FSTL5: variants seen among roughly 807,000 people sequenced by gnomAD.
FSTL5 encodes the protein follistatin like 5, also known as follistatin-related protein 5.
In FSTL5, 62 loss-of-function variants were observed where a neutral mutation model predicts 89.1. The observed-to-expected ratio is 0.70, with a 90% CI of 0.57 to 0.86. FSTL5 has a LOEUF of 0.86. Among genes scored for constraint, FSTL5 ranks in the 40% least tolerant of loss-of-function variants. The pLI, the probability that FSTL5 is intolerant of heterozygous loss-of-function variation, is 0.00. For missense variants in FSTL5, 1,057 were observed against 1,001.6 expected (o/e 1.06, Z -0.75); for synonymous variants, 383 against 346.2 (o/e 1.11, Z -1.18).
chr4:161,594,369 T>C (rs1361915574), intron 7 of FSTL5, among the ~76,000 whole-genome samples: 2 of 152,164 alleles, frequency 1.3e-5, no homozygotes, highest in Non-Finnish European at 2.9e-5. Context: ...TTAAAATTTC[T>C]TTAAAACCTG....
chr4:161,759,232 A>T (rs1740693142), intron 6 of FSTL5, among the ~76,000 whole-genome samples, 179 bp downstream of exon 6: 1 of 152,220 alleles, frequency 6.6e-6, no homozygotes, highest in Admixed American at 6.5e-5. Flanking sequence ...TTCATTTCAG[A>T]ACTACTGAAT....
chr4:161,906,864 G>C (rs1733543831), intron 4 of FSTL5, among the ~76,000 whole-genome samples: 1 of 152,040 alleles, frequency 6.6e-6, no homozygotes, highest in Admixed American at 6.6e-5. Flanking sequence ...TAAATTTATA[G>C]ATATATTTAA....
At chr4:162,067,225 T>G (rs980054181) in intron 2 of FSTL5, among the ~76,000 whole-genome samples, 1 of 152,042 alleles carries the variant, frequency 6.6e-6, no homozygotes, top group African/African-American at 2.4e-5. Flanking sequence ...AACAAATTTT[T>G]GTATTCTTTT....
intron 8 of FSTL5, among the ~76,000 whole-genome samples, chr4:161,582,249 T>C (rs1733460842): frequency 6.6e-6 from 1 of 152,228 alleles, no homozygotes; most frequent in Non-Finnish European, 1.5e-5. Flanking sequence ...TGACAAATTG[T>C]TAAGATAAAT....
At chr4:161,472,288 C>A (rs576867706) in intron 13 of FSTL5, among the ~76,000 whole-genome samples, 10 of 152,210 alleles carry the variant, frequency 6.6e-5, no homozygotes, top group South Asian at 6.2e-4. Flanking sequence ...TTTTCTTGAT[C>A]TTTTTAAAGA....
Position 161,386,292 on chromosome 4 carries a change from G to A in FSTL5, c.1999C>T (p.Pro667Ser). ...GGGGAAACTGCTCCGGTGCTGTCAGGTTTGCAGCCAATGAAGTAGTAGCCT... is the reference window on the plus strand; with the variant it reads ...GGGGAAACTGCTCCGGTGCTGTCAGATTTGCAGCCAATGAAGTAGTAGCCT... ...LGGYYFIGCK[P>S]DSTGAVSPQV... The change falls in exon 16 of 16, where the codon CCT becomes TCT. Residue 667 changes from proline (P) to serine (S), a missense_variant. Around this residue, in one of 3 missense-constraint regions of FSTL5, gnomAD observed 980 missense variants for 903.2 expected, o/e 1.08. Transcript: ENST00000306100. The A allele has an allele frequency of 6.2e-7, 1 of 1,613,928 alleles. No homozygotes were observed. The highest frequency in any genetic ancestry group is 8.5e-7 in the Non-Finnish European group (1 of 1,179,946).
intron 6 of FSTL5, among the ~76,000 whole-genome samples, chr4:161,705,474 T>C (rs918200686): frequency 1.3e-5 from 2 of 152,114 alleles, no homozygotes; most frequent in African/African-American, 2.4e-5. Flanking sequence ...CTAAGAAATA[T>C]CTGTGTTTTA....
At chr4:161,550,689 C>T (rs34830372) in intron 8 of FSTL5, among the ~76,000 whole-genome samples, 7,096 of 151,850 alleles carry the variant, frequency 0.047, 236 homozygotes, top group Non-Finnish European at 0.071. Context: ...CCCACTAACT[C>T]GTCATCTAGC....
chr4:162,007,268 A>G (rs1465170804), intron 3 of FSTL5, among the ~76,000 whole-genome samples: 1 of 151,908 alleles, frequency 6.6e-6, no homozygotes, highest in East Asian at 1.9e-4. Context: ...AATGACCTAA[A>G]GTTATTTATG....
intron 12 of FSTL5, among the ~76,000 whole-genome samples, chr4:161,487,021 C>T (rs902153118): frequency 6.6e-6 from 1 of 152,096 alleles, no homozygotes; most frequent in African/African-American, 2.4e-5. Context: ...TTTCCAACAC[C>T]TACATAATTC....
chr4:161,810,861 C>T (rs1276678468), intron 4 of FSTL5, among the ~76,000 whole-genome samples: 1 of 152,128 alleles, frequency 6.6e-6, no homozygotes, highest in Non-Finnish European at 1.5e-5. Flanking sequence ...TACACCTAAT[C>T]ACCCAATAAT....
In FSTL5 at chr4:161,638,478, C is replaced by G. The variant is rs549852011; in HGVS notation, c.894+17850G>C. ...TATTTCCTTCTCCTGCCTAATTGCC[C>G]TGGCCAGAACTTCCAACACAACAAT... is the stretch of plus-strand genomic sequence containing the variant. On this transcript the variant is annotated intron_variant, in intron 7 of 15. Transcript: ENST00000306100. Among the ~76,000 whole-genome samples the G allele has an allele frequency of 1.4e-4, 21 of 152,204 alleles. No individual in the cohort carries two copies. The South Asian group carries it at 3.1e-3, about 23-fold the overall frequency.
intron 4 of FSTL5, among the ~76,000 whole-genome samples, chr4:161,789,904 T>A (rs1486210587): frequency 2.0e-5 from 3 of 152,172 alleles, no homozygotes; most frequent in South Asian, 4.1e-4. Flanking sequence ...AGAAAGCATA[T>A]AAAGCAAATT....
intron 3 of FSTL5, among the ~76,000 whole-genome samples, chr4:161,957,597 G>A (rs1260558367): frequency 6.6e-6 from 1 of 151,924 alleles, no homozygotes; most frequent in Non-Finnish European, 1.5e-5. Flanking sequence ...AAGGGGGGAG[G>A]CAGACATGCA....
chr4:161,614,709 CT>C (rs1408088620), intron 7 of FSTL5, among the ~76,000 whole-genome samples: 1 of 152,198 alleles, frequency 6.6e-6, no homozygotes, highest in Non-Finnish European at 1.5e-5. Flanking sequence ...TATATTCCAA[CT>C]ATCTATGCTG....
At chr4:161,552,244 A>G (rs1180079042) in intron 8 of FSTL5, among the ~76,000 whole-genome samples, 1 of 151,874 alleles carries the variant, frequency 6.6e-6, no homozygotes, top group African/African-American at 2.4e-5. Context: ...CTTTTTAAAA[A>G]AGACAGGGAA....
chr4:161,642,788 G>T (rs992682894), intron 7 of FSTL5, among the ~76,000 whole-genome samples: 1 of 111,504 alleles, frequency 9.0e-6, no homozygotes, highest in African/African-American at 3.5e-5. Flanking sequence ...GTTCCCAGGA[G>T]TGGAGAGGAA....
At chr4:161,724,037 T>C (rs1739309462) in intron 6 of FSTL5, among the ~76,000 whole-genome samples, 1 of 152,002 alleles carries the variant, frequency 6.6e-6, no homozygotes, top group Non-Finnish European at 1.5e-5. Flanking sequence ...GAGATTAAAA[T>C]GAATAAGGCC....
chr4:161,921,394 T>C (rs1485506138), intron 3 of FSTL5, among the ~76,000 whole-genome samples: 1 of 152,150 alleles, frequency 6.6e-6, no homozygotes, highest in Admixed American at 6.6e-5. Flanking sequence ...ACCAATCTTG[T>C]ACTAAGGCTG....
Sources: allele counts gnomAD v4.1 joint callset (sites outside exome capture counted in the v4.1 genomes callset), GRCh38; gene constraint gnomAD v4.1.1; regional missense constraint gnomAD v4.1.1; transcripts MANE v1.5; gene names NCBI Gene and HGNC (gene_info 2026-07-23, HGNC 2026-07-21).